CFAP61: variants seen among roughly 807,000 people sequenced by gnomAD.
CFAP61 encodes cilia and flagella associated protein 61.
Under a neutral mutation model 135.6 loss-of-function variants are expected in CFAP61, and 107 were observed. That is an observed-to-expected ratio of 0.79 (90% CI 0.67 to 0.93). CFAP61 has a LOEUF of 0.93. CFAP61 is among the 40% of genes least tolerant of loss of function. The pLI is 0.00. For synonymous variants in CFAP61, 575 were observed against 578.5 expected, an observed-to-expected ratio of 0.99 and a Z score of 0.09; for missense variants, 1,507 against 1,556.2, an observed-to-expected ratio of 0.97 and a Z score of 0.53.
At chr20:20,098,027 C>T (rs1006399699) in intron 7 of CFAP61, among the ~76,000 whole-genome samples, 1 of 152,062 alleles carries the variant, frequency 6.6e-6, no homozygotes, top group African/African-American at 2.4e-5. Flanking sequence ...AAACACAAGA[C>T]ACCAAATGGC....
chr20:20,303,748 T>G (rs2056252525), intron 25 of CFAP61, among the ~76,000 whole-genome samples: 1 of 152,144 alleles, frequency 6.6e-6, no homozygotes, highest in Non-Finnish European at 1.5e-5. Context: ...GCACGTTTCA[T>G]TTGCGCACTT....
At chr20:20,119,060 T>C (rs2049409026) in intron 8 of CFAP61, among the ~76,000 whole-genome samples, 1 of 152,116 alleles carries the variant, frequency 6.6e-6, no homozygotes, top group Non-Finnish European at 1.5e-5. Context: ...TGTTCTTCAG[T>C]GGTATTGGCC....
intron 17 of CFAP61, among the ~76,000 whole-genome samples, chr20:20,212,366 A>G (rs1420287972): frequency 1.3e-5 from 2 of 152,004 alleles, no homozygotes; most frequent in African/African-American, 4.8e-5. Context: ...AGTACACACA[A>G]TCCTCATCCA....
intron 17 of CFAP61, among the ~76,000 whole-genome samples, chr20:20,213,562 CAAAG>C: frequency 6.6e-6 from 1 of 151,438 alleles, no homozygotes; most frequent in East Asian, 1.9e-4. Context: ...AAAAAAATGA[CAAAG>C]TAACCCATTT....
chr20:20,070,286 A>G (rs2045610797), intron 2 of CFAP61, among the ~76,000 whole-genome samples: 1 of 152,234 alleles, frequency 6.6e-6, no homozygotes, highest in African/African-American at 2.4e-5. Context: ...TTCCATATGA[A>G]TGAATCAGTA....
Position 20,223,416 on chromosome 20 carries a change from AT to A in CFAP61, c.1933-4832del, listed in dbSNP as rs563000772. ...CCAGGCTAATGATCCCAAAGGTTGA[AT>A]GTAACCTCCAAAAGAAATGCTATAA... On this transcript the variant is annotated intron_variant, in intron 17 of 26. Coordinates refer to ENST00000245957, the MANE Select transcript of CFAP61 (RefSeq NM_015585.4). Among the ~76,000 whole-genome samples the A allele has an allele frequency of 1.6e-3, 250 of 152,340 alleles. 2 individuals are homozygous for A. Among genetic ancestry groups the A allele is most frequent in the African/African-American group, 5.8e-3 (243 of 41,578 alleles).
At chr20:20,275,899 C>T (rs185277617) in intron 21 of CFAP61, among the ~76,000 whole-genome samples, 3 of 152,268 alleles carry the variant, frequency 2.0e-5, no homozygotes, top group Admixed American at 2.0e-4. Flanking sequence ...AAATGCAGCT[C>T]ACCAAGGAAT....
intron 6 of CFAP61, among the ~76,000 whole-genome samples, chr20:20,080,417 A>G (rs1298190742): frequency 6.6e-6 from 1 of 152,166 alleles, no homozygotes; most frequent in East Asian, 1.9e-4. Flanking sequence ...TTGCTTATTT[A>G]TGGAAATTTA....
intron 17 of CFAP61, among the ~76,000 whole-genome samples, chr20:20,223,699 A>T (rs2048546209): frequency 6.6e-6 from 1 of 152,200 alleles, no homozygotes; most frequent in Admixed American, 6.5e-5. Flanking sequence ...GTCTATGTAT[A>T]TCCAATGAAA....
chr20:20,288,793 A>G lies in CFAP61; in HGVS notation c.2981A>G (p.His994Arg). ...AGATACTACTCAAATGAGTGGACTC[A>G]CAGCAACTTCAGTTCCAAAGAAATT... ...SNRYYSNEWT[H>R]SNFSSKEIGF... is the part of the protein sequence containing the mutation. The change falls in exon 23 of 27, where the codon CAC becomes CGC. Residue 994 changes from histidine to arginine, a missense_variant. His to Arg is a conservative substitution (Grantham distance 29). Transcript: ENST00000245957. 6.2e-7 allele frequency: 1 copy of G among 1,614,234 alleles called. No homozygotes were observed. The highest frequency in any genetic ancestry group is 8.5e-7 in the Non-Finnish European group (1 of 1,180,036).
intron 7 of CFAP61, among the ~76,000 whole-genome samples, chr20:20,092,925 C>G (rs1255951688): frequency 1.2e-4 from 18 of 152,174 alleles, no homozygotes; most frequent in Admixed American, 1.2e-3. Context: ...TGGAAAAAGT[C>G]TGGTATTTTC....
chr20:20,096,705 T>C (rs1024782914), intron 7 of CFAP61, among the ~76,000 whole-genome samples: 1 of 152,178 alleles, frequency 6.6e-6, no homozygotes. Flanking sequence ...GGTAGATGGA[T>C]TGGTTAATCA....
chr20:20,090,746 C>G, intron 6 of CFAP61, 98 bp from the exon 7 acceptor site: 1 of 1,199,902 alleles, frequency 8.3e-7, no homozygotes, highest in Non-Finnish European at 1.2e-6. Context: ...GTTGCTCTAG[C>G]CCCGGCACTT....
intron 7 of CFAP61, among the ~76,000 whole-genome samples, chr20:20,091,417 C>T (rs780432949): frequency 9.9e-5 from 15 of 152,088 alleles, no homozygotes; most frequent in Admixed American, 3.9e-4. Flanking sequence ...CCAGATTCCC[C>T]AAATGTTAAC....
In CFAP61 at chr20:20,077,983, G is replaced by A. The variant is rs950502465; in HGVS notation, c.566+2368G>A. Among the ~76,000 whole-genome samples, 28 of 152,328 alleles carry A rather than the reference G, an allele frequency of 1.8e-4. 1 individual carries two copies. Among genetic ancestry groups the A allele is most frequent in the Non-Finnish European group, 1.6e-4 (11 of 68,034 alleles). ...AAAGGAAGGGGATTCACCACAGAATGTAGAATTTTCTCCGAAGAGACAGTT... is the reference window on the plus strand; with the variant it reads ...AAAGGAAGGGGATTCACCACAGAATATAGAATTTTCTCCGAAGAGACAGTT... On this transcript the variant is annotated intron_variant, in intron 6 of 26. Coordinates refer to ENST00000245957, the MANE Select transcript of CFAP61 (RefSeq NM_015585.4).
At chr20:20,341,313 A>G (rs559832118) in intron 25 of CFAP61, among the ~76,000 whole-genome samples, 1 of 152,340 alleles carries the variant, frequency 6.6e-6, no homozygotes, top group South Asian at 2.1e-4. Flanking sequence ...AGCAAATATG[A>G]ACACCAAAAA....
intron 20 of CFAP61, chr20:20,253,209 C>A: frequency 6.8e-6 from 1 of 147,136 alleles, no homozygotes. Flanking sequence ...TCCTTCCGTC[C>A]TTTCTTCCTT....
intron 8 of CFAP61, among the ~76,000 whole-genome samples, chr20:20,111,603 A>C (rs1222897963): frequency 6.6e-6 from 1 of 152,238 alleles, no homozygotes; most frequent in Non-Finnish European, 1.5e-5. Context: ...CAAGGAGGAC[A>C]GATTCTCATT....
At chr20:20,304,154 G>A (rs1025056871) in intron 25 of CFAP61, among the ~76,000 whole-genome samples, 2 of 152,132 alleles carry the variant, frequency 1.3e-5, no homozygotes, top group Non-Finnish European at 2.9e-5. Context: ...TAAGCGAAGT[G>A]TCTGCGGCCC....
Sources: allele counts gnomAD v4.1 joint callset (sites outside exome capture counted in the v4.1 genomes callset), GRCh38; gene constraint gnomAD v4.1.1; transcripts MANE v1.5; gene names NCBI Gene and HGNC (gene_info 2026-07-23, HGNC 2026-07-21).